ZNF429: variants seen among roughly 807,000 people sequenced by gnomAD.
ZNF429 encodes the protein zinc finger protein 429.
ZNF429 carries 53 observed loss-of-function variants against 56.8 expected under a neutral mutation model. The ratio of observed to expected loss-of-function variants is 0.93; its 90% confidence interval spans 0.75 to 1.17. The LOEUF (loss-of-function observed/expected upper bound fraction) is 1.17. Among genes scored for constraint, ZNF429 ranks in the 50% most tolerant of loss-of-function variants. The pLI, the probability that ZNF429 is intolerant of heterozygous loss-of-function variation, is 0.00. For synonymous variants in ZNF429, 278 were observed against 264.7 expected (o/e 1.05, Z -0.49); for missense variants, 849 against 788.4 (o/e 1.08, Z -0.92).
At chr19:21,534,067 TATA>T in intron 3 of ZNF429, among the ~76,000 whole-genome samples, 1 of 152,176 alleles carries the variant, frequency 6.6e-6, no homozygotes, top group Non-Finnish European at 1.5e-5. Flanking sequence ...AATCAAAAAG[TATA>T]ATGCCTCTTT....
chr19:21,532,946 C>T, intron 3 of ZNF429, among the ~76,000 whole-genome samples: 15 of 151,934 alleles, frequency 9.9e-5, no homozygotes, highest in Admixed American at 2.6e-4. Context: ...CTGCCTGCCT[C>T]GGCCTCTCAA....
chr19:21,506,773 T>G (rs1235343797), intron 1 of ZNF429, among the ~76,000 whole-genome samples: 26 of 145,572 alleles, frequency 1.8e-4, no homozygotes, highest in Admixed American at 1.3e-3. Flanking sequence ...TTTTGTTTTT[T>G]TTTTTTTTTT....
intron 1 of ZNF429, among the ~76,000 whole-genome samples, chr19:21,527,902 G>A (rs970974677): frequency 6.6e-6 from 1 of 152,134 alleles, no homozygotes; most frequent in Non-Finnish European, 1.5e-5. Flanking sequence ...CAGATCAAGA[G>A]CTGTGTCCAC....
intron 1 of ZNF429, among the ~76,000 whole-genome samples, chr19:21,509,968 G>A (rs2145414288): frequency 6.6e-6 from 1 of 151,880 alleles, no homozygotes; most frequent in East Asian, 1.9e-4. Flanking sequence ...GAGTGCAGTG[G>A]CACGATCTCT....
chr19:21,513,406 A>G (rs746085008), intron 1 of ZNF429, among the ~76,000 whole-genome samples: 26 of 152,254 alleles, frequency 1.7e-4, no homozygotes, highest in Middle Eastern at 6.8e-3. Context: ...GCTCTGTCCA[A>G]TTATTAAACT....
In ZNF429 at chr19:21,510,822, C is replaced by G. The variant is rs531121397; in HGVS notation, c.3+5048C>G. 3.0e-3 allele frequency among the ~76,000 whole-genome samples: 462 copies of G among 152,136 alleles called. 2 individuals carry two copies. The highest frequency in any genetic ancestry group is 0.01 in the African/African-American group (425 of 41,478). On this transcript the variant is annotated intron_variant, in intron 1 of 3. Coordinates refer to ENST00000358491, the MANE Select transcript of ZNF429 (RefSeq NM_001001415.4). ...GCCTTCAAGCATCTGTTTAACAAAG[C>G]ACATCTTGCACCGCCCTTAATCCAT... is the stretch of plus-strand genomic sequence containing the variant.
At position 21,537,285 on chromosome 19, in the gene ZNF429, C is replaced by T. The variant is rs775956758; in HGVS notation, c.1232C>T (p.Thr411Ile). 6.2e-7 allele frequency: 1 copy of T among 1,613,786 alleles called. No individual in the cohort carries two copies. The highest frequency in any genetic ancestry group is 8.5e-7 in the Non-Finnish European group (1 of 1,179,968). ...GGCAGAGTTTTTACCTGTTCCTCAA[C>T]ACTTACTCAAGACAAGAAAATTCAT... ...KCGRVFTCSS[T>I]LTQDKKIHTG... is the part of the protein sequence containing the mutation. Residue 411 changes from threonine to isoleucine, a missense_variant, in exon 4 of 4, where the codon ACA (threonine) becomes ATA (isoleucine). Coordinates refer to ENST00000358491, the MANE Select transcript of ZNF429 (RefSeq NM_001001415.4).
At chr19:21,512,599 G>T (rs1012110483) in intron 1 of ZNF429, among the ~76,000 whole-genome samples, 1 of 149,284 alleles carries the variant, frequency 6.7e-6, no homozygotes, top group Non-Finnish European at 1.5e-5. Flanking sequence ...GGGAGGTGGT[G>T]GTTACAGTGA....
chr19:21,510,997 G>A (rs1158290209), intron 1 of ZNF429, among the ~76,000 whole-genome samples: 10 of 152,026 alleles, frequency 6.6e-5, no homozygotes, highest in Admixed American at 2.6e-4. Flanking sequence ...CACAGACACA[G>A]CAACCATCCG....
Position 21,539,332 on chromosome 19 carries a change from G to A in ZNF429, c.*1254G>A, listed in dbSNP as rs1461738651. Among the ~76,000 whole-genome samples, 1 of 151,870 alleles carries A rather than the reference G, an allele frequency of 6.6e-6. No individual in the cohort carries two copies. Among genetic ancestry groups the A allele is most frequent in the African/African-American group, 2.4e-5 (1 of 41,246 alleles). On this transcript the variant is annotated 3_prime_UTR_variant, in exon 4 of 4. Transcript: ENST00000358491. ...TTGAGACATTACACTAAAGTGCTGA[G>A]TATAGAAAATAAAACTAAAGTTGTT...
chr19:21,507,931 C>T (rs1339529325), intron 1 of ZNF429, among the ~76,000 whole-genome samples: 1 of 152,152 alleles, frequency 6.6e-6, no homozygotes, highest in African/African-American at 2.4e-5. Flanking sequence ...ATTTCTGACC[C>T]CTTGATTCTC....
chr19:21,534,803 T>TG, intron 3 of ZNF429, among the ~76,000 whole-genome samples: 3 of 151,258 alleles, frequency 2.0e-5, no homozygotes, highest in African/African-American at 2.4e-5. Context: ...TTTTTTTTTT[T>TG]TTGTTCGTTT....
intron 2 of ZNF429, among the ~76,000 whole-genome samples, chr19:21,530,007 C>T: frequency 7.9e-5 from 12 of 151,898 alleles, no homozygotes; most frequent in Non-Finnish European, 1.8e-4. Context: ...CTGGCTAACA[C>T]GGTGAAACCC....
intron 2 of ZNF429, among the ~76,000 whole-genome samples, chr19:21,529,999 GGCT>G: frequency 6.6e-6 from 1 of 152,028 alleles, no homozygotes; most frequent in Non-Finnish European, 1.5e-5. Flanking sequence ...AGACCATCCT[GGCT>G]AACACGGTGA....
intron 1 of ZNF429, chr19:21,521,406 G>A (rs377013334): frequency 2.6e-5 from 4 of 152,162 alleles, no homozygotes; most frequent in African/African-American, 9.7e-5. Flanking sequence ...TGATGGCTAG[G>A]AGATAAAAGA....
chr19:21,529,583 A>C, intron 1 of ZNF429, 75 bp from the exon 2 acceptor site: 2 of 1,311,404 alleles, frequency 1.5e-6, no homozygotes, highest in Non-Finnish European at 2.0e-6. Flanking sequence ...TAAATAAAAA[A>C]TTCTACCCAT....
chr19:21,529,866 T>C, intron 2 of ZNF429, 82 bp downstream of exon 2: 1 of 1,045,420 alleles, frequency 9.6e-7, no homozygotes, highest in Non-Finnish European at 1.3e-6. Context: ...TTTGGTAATT[T>C]ATGCTTTGCA....
rs1160449837 is a variant in ZNF429, at chr19:21,537,194, T to C, written c.1141T>C (p.Ser381Pro). 6.2e-7 allele frequency: 1 copy of C among 1,613,804 alleles called. No individual in the cohort carries two copies. The highest frequency in any genetic ancestry group is 1.1e-5 in the South Asian group (1 of 91,070). Residue 381 changes from serine (S) to proline (P), a missense_variant, in exon 4 of 4, where the codon TCT becomes CCT. Physicochemically the swap from Ser to Pro is moderately conservative, Grantham distance 74 (BLOSUM62 -1). Transcript: ENST00000358491. ...CEECGKAFNQ[S>P]SRLTRHKKIH... ...AGAATGTGGCAAAGCTTTTAACCAG[T>C]CTTCAAGACTTACTCGACATAAAAA...
At position 21,536,312 on chromosome 19, in the gene ZNF429, C is replaced by A. The variant is rs769189593; in HGVS notation, c.259C>A (p.Pro87Thr). The change falls in exon 4 of 4, where the codon CCA becomes ACA. Residue 87 changes from proline to threonine, a missense_variant. Transcript: ENST00000358491. ...TTCTCATTTTGCTGAAGACTTTTGG[C>A]CAGAGCAAGACATAAAAGATTCTTT... ...VCSHFAEDFW[P>T]EQDIKDSFQK... The A allele has an allele frequency of 8.8e-6, 14 of 1,589,104 alleles. No homozygotes were observed. The highest frequency in any genetic ancestry group is 1.2e-5 in the Non-Finnish European group (14 of 1,170,870).
Sources: gnomAD v4.1 joint callset for allele counts (sites outside exome capture counted in the v4.1 genomes callset) on GRCh38, gnomAD v4.1.1 for gene constraint, MANE v1.5 for transcripts, NCBI Gene and HGNC (gene_info 2026-07-23, HGNC 2026-07-21) for gene names.